The following FBXL7 variants were observed in gnomAD, a reference collection of about 807,000 sequenced individuals.
FBXL7 encodes F-box/LRR-repeat protein 7.
FBXL7 carries 12 observed loss-of-function variants against 38.3 expected under a neutral mutation model. The ratio of observed to expected loss-of-function variants is 0.31; its 90% CI spans 0.20 to 0.51. FBXL7 has a LOEUF of 0.51. FBXL7 is among the 20% of genes least tolerant of loss of function. FBXL7 has a pLI of 0.98. For synonymous variants in FBXL7, 297 were observed against 300.9 expected, an observed-to-expected ratio of 0.99 and a Z score of 0.13; for missense variants, 567 against 676.4, an observed-to-expected ratio of 0.84 and a Z score of 1.79.
At chr5:15,882,592 C>G (rs1194161157) in intron 2 of FBXL7, among the ~76,000 whole-genome samples, 1 of 152,204 alleles carries the variant, frequency 6.6e-6, no homozygotes, top group Non-Finnish European at 1.5e-5. Context: ...TCAGACCTGA[C>G]AGAAGTCACT....
At chr5:15,739,196 C>T (rs1579422847) in intron 2 of FBXL7, among the ~76,000 whole-genome samples, 2 of 152,138 alleles carry the variant, frequency 1.3e-5, no homozygotes, top group South Asian at 4.1e-4. Context: ...TCCAGCTGGG[C>T]CTGAGGGACA....
At chr5:15,866,880 A>T (rs1346072636) in intron 2 of FBXL7, among the ~76,000 whole-genome samples, 4 of 152,186 alleles carry the variant, frequency 2.6e-5, no homozygotes, top group South Asian at 2.1e-4. Flanking sequence ...CATGGTGTAT[A>T]TGTACCACAT....
chr5:15,536,285 T>G (rs763718433), intron 1 of FBXL7, among the ~76,000 whole-genome samples: 1 of 152,206 alleles, frequency 6.6e-6, no homozygotes, highest in Non-Finnish European at 1.5e-5. Context: ...TGGGGTACTG[T>G]CTAATGGAGC....
At chr5:15,745,638 C>G (rs936950944) in intron 2 of FBXL7, among the ~76,000 whole-genome samples, 24 of 152,126 alleles carry the variant, frequency 1.6e-4, no homozygotes, top group African/African-American at 5.6e-4. Context: ...AAAAACATTT[C>G]AGGCAGAAGG....
At chr5:15,860,865 G>A (rs921684815) in intron 2 of FBXL7, among the ~76,000 whole-genome samples, 26 of 152,274 alleles carry the variant, frequency 1.7e-4, no homozygotes, top group Non-Finnish European at 3.7e-4. Context: ...TATATACTTA[G>A]AGAAGCTAAG....
intron 2 of FBXL7, among the ~76,000 whole-genome samples, chr5:15,839,913 T>C (rs1738697431): frequency 6.6e-6 from 1 of 152,198 alleles, no homozygotes; most frequent in Admixed American, 6.5e-5. Flanking sequence ...AAAATCTGCT[T>C]ACTCTTTTAC....
chr5:15,548,925 G>A (rs150181558), intron 1 of FBXL7, among the ~76,000 whole-genome samples: 3 of 152,308 alleles, frequency 2.0e-5, no homozygotes, highest in Non-Finnish European at 2.9e-5. Flanking sequence ...GACTGCACCT[G>A]TAAAGATAAG....
At chr5:15,883,502 A>T (rs1009889863) in intron 2 of FBXL7, among the ~76,000 whole-genome samples, 1 of 152,308 alleles carries the variant, frequency 6.6e-6, no homozygotes, top group East Asian at 1.9e-4. Flanking sequence ...TTCGTGTTGT[A>T]AGAATGGGTT....
In FBXL7 at chr5:15,552,865, C is replaced by T. The variant is rs1046853390; in HGVS notation, c.37+52152C>T. On this transcript the variant is annotated intron_variant, in intron 1 of 3. Coordinates refer to ENST00000504595, the MANE Select transcript of FBXL7 (RefSeq NM_012304.5). Reference sequence around the variant, plus strand: ...TTGGGAGGCTGAGGTGGGAAGATCACGAGGTCAAGAGATGGAGACCATCCT... The same window carrying T: ...TTGGGAGGCTGAGGTGGGAAGATCATGAGGTCAAGAGATGGAGACCATCCT... Among the ~76,000 whole-genome samples, 11 of 152,238 alleles carry T rather than the reference C, an allele frequency of 7.2e-5. No individual in the cohort carries two copies. In the South Asian group the frequency reaches 1.9e-3, roughly 26 times the overall value.
chr5:15,887,710 A>G (rs141312045), intron 2 of FBXL7, among the ~76,000 whole-genome samples: 2 of 152,316 alleles, frequency 1.3e-5, no homozygotes, highest in African/African-American at 4.8e-5. Flanking sequence ...TCACTCCACA[A>G]TCTTGGTATT....
chr5:15,665,261 GA>G (rs1742231923), intron 2 of FBXL7, among the ~76,000 whole-genome samples: 4 of 152,168 alleles, frequency 2.6e-5, no homozygotes. Flanking sequence ...GGAGGCCAGT[GA>G]AAAAGCTTAC....
chr5:15,614,326 A>G (rs975903383), intron 1 of FBXL7, among the ~76,000 whole-genome samples: 75 of 150,942 alleles, frequency 5.0e-4, no homozygotes, highest in African/African-American at 1.7e-3. Flanking sequence ...CTGGAGTGCA[A>G]TGGCGCAATC....
intron 2 of FBXL7, among the ~76,000 whole-genome samples, chr5:15,920,578 T>C (rs1170559190): frequency 1.3e-5 from 2 of 152,100 alleles, no homozygotes; most frequent in Non-Finnish European, 2.9e-5. Context: ...TGGAGTGCAG[T>C]GGCTCAATCT....
At chr5:15,859,924 C>A (rs1405029044) in intron 2 of FBXL7, among the ~76,000 whole-genome samples, 2 of 152,184 alleles carry the variant, frequency 1.3e-5, no homozygotes, top group Admixed American at 1.3e-4. Flanking sequence ...GAGTTAACAT[C>A]AAACTCAGGC....
intron 2 of FBXL7, among the ~76,000 whole-genome samples, chr5:15,712,758 G>C (rs2126644035): frequency 6.6e-6 from 1 of 152,272 alleles, no homozygotes; most frequent in African/African-American, 2.4e-5. Context: ...CTAATATTGA[G>C]GGTGGCATTG....
At chr5:15,519,677 A>AG (rs1737045549) in intron 1 of FBXL7, among the ~76,000 whole-genome samples, 1 of 152,142 alleles carries the variant, frequency 6.6e-6, no homozygotes. Context: ...AAATCTGAGA[A>AG]AGAGTTTGAG....
At chr5:15,864,520 CTAT>C (rs1739621998) in intron 2 of FBXL7, among the ~76,000 whole-genome samples, 1 of 152,148 alleles carries the variant, frequency 6.6e-6, no homozygotes, top group East Asian at 1.9e-4. Context: ...AGGTGGTTCC[CTAT>C]CACTGATGGT....
In FBXL7 at chr5:15,810,538, G is replaced by A. The variant is rs1039714804; in HGVS notation, c.128-117352G>A. On this transcript the variant is annotated intron_variant, in intron 2 of 3. Transcript: ENST00000504595. ...ATCCTGCCATTGCACTCCAGCCTGG[G>A]TGACAAGAGCAAAACTCCGTCTCAA... is the stretch of plus-strand genomic sequence containing the variant. 2.0e-5 allele frequency among the ~76,000 whole-genome samples: 3 copies of A among 148,544 alleles called. No individual in the cohort carries two copies. In the South Asian group the frequency reaches 6.5e-4, roughly 32 times the overall value.
At chr5:15,882,170 C>T (rs1454169904) in intron 2 of FBXL7, among the ~76,000 whole-genome samples, 1 of 152,168 alleles carries the variant, frequency 6.6e-6, no homozygotes, top group East Asian at 1.9e-4. Context: ...CAACCAGGCC[C>T]CACCTCCAAC....
Sources: gnomAD v4.1 joint callset for allele counts (sites outside exome capture counted in the v4.1 genomes callset) on GRCh38, gnomAD v4.1.1 for gene constraint, MANE v1.5 for transcripts, NCBI Gene and HGNC (gene_info 2026-07-23, HGNC 2026-07-21) for gene names.